CCSER1: variants seen among roughly 807,000 people sequenced by gnomAD.
CCSER1 encodes serine-rich coiled-coil domain-containing protein 1.
Under a neutral mutation model 82.0 loss-of-function variants are expected in CCSER1, and 41 were observed. That is an observed-to-expected ratio of 0.50 (90% CI 0.39 to 0.65). CCSER1 has a LOEUF of 0.65. Ranked by LOEUF, CCSER1 falls within the 30% of genes least tolerant of loss-of-function variation. CCSER1 has a pLI of 0.00. For missense variants in CCSER1, 1,119 were observed against 1,064.2 expected, an observed-to-expected ratio of 1.05 and a Z score of -0.72; for synonymous variants, 414 against 383.9, an observed-to-expected ratio of 1.08 and a Z score of -0.92.
At chr4:91,141,413 A>C (rs994499584) in intron 10 of CCSER1, among the ~76,000 whole-genome samples, 6 of 152,092 alleles carry the variant, frequency 3.9e-5, no homozygotes, top group African/African-American at 1.4e-4. Flanking sequence ...TGGCCTCCCA[A>C]AGTGCTGGGA....
At chr4:91,265,581 T>C (rs1449358588) in intron 10 of CCSER1, among the ~76,000 whole-genome samples, 1 of 152,206 alleles carries the variant, frequency 6.6e-6, no homozygotes, top group African/African-American at 2.4e-5. Context: ...GCCATGATGC[T>C]GAAGGTGATA....
intron 1 of CCSER1, among the ~76,000 whole-genome samples, chr4:90,244,799 C>T (rs189429919): frequency 4.0e-4 from 61 of 152,184 alleles, no homozygotes; most frequent in Admixed American, 5.9e-4. Flanking sequence ...ATGAGATTTG[C>T]GTGGGGACAC....
intron 6 of CCSER1, among the ~76,000 whole-genome samples, chr4:90,721,060 A>G (rs1054406135): frequency 2.0e-5 from 3 of 151,930 alleles, no homozygotes; most frequent in Admixed American, 2.0e-4. Flanking sequence ...GGTGATATTA[A>G]CCAGAATATT....
chr4:91,300,960 A>G (rs1744618374), intron 10 of CCSER1, among the ~76,000 whole-genome samples: 1 of 152,032 alleles, frequency 6.6e-6, no homozygotes, highest in South Asian at 2.1e-4. Flanking sequence ...TTTTAAAAAT[A>G]TACAGTTGCT....
At chr4:91,047,785 G>T (rs2148701391) in intron 9 of CCSER1, among the ~76,000 whole-genome samples, 1 of 152,258 alleles carries the variant, frequency 6.6e-6, no homozygotes, top group Non-Finnish European at 1.5e-5. Flanking sequence ...GGCATATTTT[G>T]AGGAAGCAAC....
chr4:90,721,125 C>T (rs1742602690), intron 6 of CCSER1, among the ~76,000 whole-genome samples: 1 of 151,690 alleles, frequency 6.6e-6, no homozygotes, highest in Middle Eastern at 3.2e-3. Context: ...CTAAGGATGA[C>T]ACTTAGGAGA....
At chr4:90,435,959 T>G (rs897716875) in intron 4 of CCSER1, among the ~76,000 whole-genome samples, 1 of 152,140 alleles carries the variant, frequency 6.6e-6, no homozygotes, top group African/African-American at 2.4e-5. Flanking sequence ...ATTTTTACCT[T>G]GCTTAATTTT....
chr4:91,464,984 T>G (rs1756784744), intron 10 of CCSER1, among the ~76,000 whole-genome samples: 1 of 152,150 alleles, frequency 6.6e-6, no homozygotes, highest in African/African-American at 2.4e-5. Context: ...GGAATTGAAC[T>G]CAGCTCTGCA....
At chr4:91,242,326 T>C (rs917605107) in intron 10 of CCSER1, among the ~76,000 whole-genome samples, 2 of 152,186 alleles carry the variant, frequency 1.3e-5, no homozygotes, top group Admixed American at 1.3e-4. Flanking sequence ...GAATGCACTG[T>C]ACCTGTTGTA....
At chr4:91,026,224 T>G (rs1254093685) in intron 9 of CCSER1, among the ~76,000 whole-genome samples, 2 of 152,130 alleles carry the variant, frequency 1.3e-5, no homozygotes, top group East Asian at 3.8e-4. Context: ...ATATAAATTA[T>G]AGATGATAAT....
chr4:91,085,181 A>T (rs1202281094), intron 9 of CCSER1, among the ~76,000 whole-genome samples: 1 of 151,654 alleles, frequency 6.6e-6, no homozygotes, highest in Non-Finnish European at 1.5e-5. Flanking sequence ...ATATATAATT[A>T]TTATTATGTG....
rs184698696 is a variant in CCSER1 at position 90,570,119 on chromosome 4, A to G, written c.1725-57906A>G. ...ACCTCCCCTCTCCCCAGCTCTAAGA[A>G]TACAGAGGACTGTGTCATGGCTTTG... is the stretch of plus-strand genomic sequence containing the variant. On this transcript the variant is annotated intron_variant, in intron 5 of 10. Coordinates refer to ENST00000509176, the MANE Select transcript of CCSER1 (RefSeq NM_001145065.2). 6.6e-5 allele frequency among the ~76,000 whole-genome samples: 10 copies of G among 152,284 alleles called. No homozygotes were observed. The East Asian group carries it at 1.9e-3, about 29-fold the overall frequency.
intron 5 of CCSER1, among the ~76,000 whole-genome samples, chr4:90,487,057 G>A (rs995623062): frequency 6.6e-6 from 1 of 152,052 alleles, no homozygotes; most frequent in Non-Finnish European, 1.5e-5. Context: ...GATTACAGGG[G>A]CCCACCACCA....
intron 10 of CCSER1, among the ~76,000 whole-genome samples, chr4:91,446,489 T>G (rs1755560920): frequency 6.6e-6 from 1 of 151,688 alleles, no homozygotes; most frequent in African/African-American, 2.4e-5. Flanking sequence ...ACTTTCAAAA[T>G]TCAATAAATT....
intron 9 of CCSER1, among the ~76,000 whole-genome samples, chr4:90,950,681 G>A (rs962572279): frequency 5.9e-5 from 9 of 151,968 alleles, no homozygotes; most frequent in Non-Finnish European, 1.0e-4. Flanking sequence ...AGCATATATG[G>A]CCATTAAAAA....
chr4:91,460,097 C>T (rs980313896), intron 10 of CCSER1, among the ~76,000 whole-genome samples: 3 of 152,114 alleles, frequency 2.0e-5, no homozygotes, highest in Non-Finnish European at 2.9e-5. Context: ...GAGCATTTGA[C>T]TGAGTGGTAA....
At chr4:91,050,646 G>C (rs1019337455) in intron 9 of CCSER1, among the ~76,000 whole-genome samples, 1 of 152,110 alleles carries the variant, frequency 6.6e-6, no homozygotes, top group East Asian at 1.9e-4. Flanking sequence ...AATTAGCTTT[G>C]TCTTGTTTCA....
At chr4:90,381,174 A>C (rs1370386894) in intron 3 of CCSER1, among the ~76,000 whole-genome samples, 1 of 152,376 alleles carries the variant, frequency 6.6e-6, no homozygotes, top group Middle Eastern at 3.4e-3. Flanking sequence ...ACCAGTGCTG[A>C]TCGTGCCCCA....
At chr4:91,432,989 C>T (rs1475855040) in intron 10 of CCSER1, among the ~76,000 whole-genome samples, 1 of 151,954 alleles carries the variant, frequency 6.6e-6, no homozygotes, top group African/African-American at 2.4e-5. Context: ...TACCTCCCTG[C>T]CCAGAGAGGT....
Sources: allele counts gnomAD v4.1 joint callset (sites outside exome capture counted in the v4.1 genomes callset), GRCh38; gene constraint gnomAD v4.1.1; transcripts MANE v1.5; gene names NCBI Gene and HGNC (gene_info 2026-07-23, HGNC 2026-07-21).